The following PTGFRN variants were observed in gnomAD, a reference collection of about 807,000 sequenced individuals.
PTGFRN encodes prostaglandin F2 receptor negative regulator.
Under a neutral mutation model 83.2 loss-of-function variants are expected in PTGFRN, and 35 were observed. That is an observed-to-expected ratio of 0.42 (90% CI 0.32 to 0.56). The LOEUF (loss-of-function observed/expected upper bound fraction) is 0.56, where lower values mean the gene tolerates loss of function less well. Among genes scored for constraint, PTGFRN ranks in the 20% least tolerant of loss-of-function variants. PTGFRN has a pLI of 0.11. For missense variants in PTGFRN, 1,051 were observed against 1,179.5 expected (o/e 0.89, Z 1.60); for synonymous variants, 519 against 498.6 (o/e 1.04, Z -0.55).
chr1:116,974,507 C>T, intron 7 of PTGFRN, 184 bp downstream of exon 7: 1 of 474,070 alleles, frequency 2.1e-6, no homozygotes, highest in South Asian at 4.3e-5. Flanking sequence ...ATGCATCTAT[C>T]TGCTAGATGG....
At chr1:116,926,151 G>A (rs776908782) in intron 1 of PTGFRN, among the ~76,000 whole-genome samples, 17 of 152,362 alleles carry the variant, frequency 1.1e-4, no homozygotes. Flanking sequence ...TAACGGGAGA[G>A]AGGACAGAGC....
chr1:116,961,348 A>T lies in PTGFRN; in HGVS notation c.1319A>T (p.Asn440Ile). 1.9e-6 allele frequency: 3 copies of T among 1,588,978 alleles called. No homozygotes were observed. The highest frequency in any genetic ancestry group is 2.6e-6 in the Non-Finnish European group (3 of 1,165,102). ...GTGGACACGAAGAGTGGGGAGGCGA[A>T]TGTCCGATTCACGGTTTCGTGGTAC... ...RVVDTKSGEA[N>I]VRFTVSWYYR... The change falls in exon 5 of 9, where the codon AAT becomes ATT. Residue 440 changes from asparagine to isoleucine, a missense_variant. Around this residue, in one of 3 missense-constraint regions of PTGFRN, gnomAD observed 719 missense variants for 836.6 expected, o/e 0.86. Coordinates refer to ENST00000393203, the MANE Select transcript of PTGFRN (RefSeq NM_020440.4). The surrounding 1 kb of genome is among the most constrained non-coding windows in gnomAD (Gnocchi z 5.4).
chr1:116,955,129 T>C (rs1459890948), intron 4 of PTGFRN, among the ~76,000 whole-genome samples: 1 of 152,210 alleles, frequency 6.6e-6, no homozygotes, highest in African/African-American at 2.4e-5. Flanking sequence ...CAAAGGAGTC[T>C]AATGAGCCAT....
chr1:116,944,596 G>T, intron 2 of PTGFRN, 83 bp from the exon 3 acceptor site: 1 of 1,275,030 alleles, frequency 7.8e-7, no homozygotes, highest in Non-Finnish European at 1.0e-6. Context: ...GGAGGAAATT[G>T]TCTGTGGTTG....
chr1:116,985,097 C>A, intron 8 of PTGFRN, 112 bp downstream of exon 8: 1 of 1,150,416 alleles, frequency 8.7e-7, no homozygotes, highest in Non-Finnish European at 1.2e-6. Flanking sequence ...ATAGCACGTC[C>A]TGCTTTCTTT....
In PTGFRN at chr1:116,975,309, C is replaced by G. The variant is rs182818142; in HGVS notation, c.2167+986C>G. Among the ~76,000 whole-genome samples, 756 of 152,286 alleles carry G rather than the reference C, an allele frequency of 5.0e-3. 5 individuals are homozygous for G. Among genetic ancestry groups the G allele is most frequent in the African/African-American group, 0.017 (727 of 41,570 alleles). On this transcript the variant is annotated intron_variant, in intron 7 of 8. Transcript: ENST00000393203. ...CTCCAACTCTGGGGGCAGGGCATAGCCAAACAAAAGGCAGCAGAAACCTCT... is the reference window on the plus strand; with the variant it reads ...CTCCAACTCTGGGGGCAGGGCATAGGCAAACAAAAGGCAGCAGAAACCTCT...
At chr1:116,931,665 A>G (rs1649807193) in intron 1 of PTGFRN, among the ~76,000 whole-genome samples, 1 of 152,032 alleles carries the variant, frequency 6.6e-6, no homozygotes, top group African/African-American at 2.4e-5. Flanking sequence ...TGTCTAGATG[A>G]AAGTTGGCAT....
intron 1 of PTGFRN, among the ~76,000 whole-genome samples, chr1:116,917,969 GTCT>G (rs1181159895): frequency 5.9e-5 from 9 of 152,142 alleles, no homozygotes; most frequent in Non-Finnish European, 1.5e-5. Context: ...CCCTCTGGAT[GTCT>G]TCTTCTGTGT....
chr1:116,940,491 C>T (rs59085346), intron 1 of PTGFRN, among the ~76,000 whole-genome samples: 1 of 152,148 alleles, frequency 6.6e-6, no homozygotes, highest in Admixed American at 6.5e-5. Context: ...CTGTGACAAC[C>T]CTGTTGCCAA....
intron 6 of PTGFRN, among the ~76,000 whole-genome samples, chr1:116,971,315 G>T (rs1650987689): frequency 6.6e-6 from 1 of 151,614 alleles, no homozygotes; most frequent in Admixed American, 6.6e-5. Flanking sequence ...CATGCAGATG[G>T]TCTGTAACTT....
chr1:116,947,851 C>A (rs145142994), intron 3 of PTGFRN, among the ~76,000 whole-genome samples: 1 of 152,078 alleles, frequency 6.6e-6, no homozygotes, highest in Non-Finnish European at 1.5e-5. Flanking sequence ...AAGAGATGAT[C>A]GAGAGAAAGA....
chr1:116,964,039 C>T (rs958952507), intron 5 of PTGFRN, among the ~76,000 whole-genome samples: 1 of 151,772 alleles, frequency 6.6e-6, no homozygotes, highest in Non-Finnish European at 1.5e-5. Flanking sequence ...CTTAGTCGCC[C>T]GAAGTGCTAG....
At chr1:116,943,149 C>T (rs888829392) in intron 2 of PTGFRN, among the ~76,000 whole-genome samples, 3 of 152,190 alleles carry the variant, frequency 2.0e-5, no homozygotes, top group African/African-American at 7.2e-5. Context: ...CATTCATTCC[C>T]TCATGACTTG....
rs1649456505 is a variant in PTGFRN, at chr1:116,918,269, G to A, written c.49+8017G>A. Reference sequence around the variant, plus strand: ...TTCATTTGAATCCTGTCTTCCCTCAGTGTGAACCTTGGACAGGTTTTCTAA... The same window carrying A: ...TTCATTTGAATCCTGTCTTCCCTCAATGTGAACCTTGGACAGGTTTTCTAA... On this transcript the variant is annotated intron_variant, in intron 1 of 8. Coordinates refer to ENST00000393203, the MANE Select transcript of PTGFRN (RefSeq NM_020440.4). This position sits in a 1 kb window ranked among gnomAD's most constrained non-coding sequence, Gnocchi z 4.1. Among the ~76,000 whole-genome samples the A allele has an allele frequency of 6.6e-6, 1 of 152,202 alleles. No individual in the cohort carries two copies. The highest frequency in any genetic ancestry group is 1.5e-5 in the Non-Finnish European group (1 of 68,040).
intron 7 of PTGFRN, among the ~76,000 whole-genome samples, chr1:116,982,036 T>C (rs1025112850): frequency 6.6e-6 from 1 of 152,170 alleles, no homozygotes; most frequent in Non-Finnish European, 1.5e-5. Flanking sequence ...GCCACTCCTG[T>C]ACCTGAGATG....
chr1:116,912,216 C>T (rs1649290064), intron 1 of PTGFRN, among the ~76,000 whole-genome samples: 1 of 152,168 alleles, frequency 6.6e-6, no homozygotes, highest in Non-Finnish European at 1.5e-5. Flanking sequence ...GGCTGGATGC[C>T]TCCTATGAAT....
In PTGFRN at chr1:116,952,474, A is replaced by G. The variant is rs141334133; in HGVS notation, c.1213+2902A>G. ...GTCCTACTTTAAAGGGAAAGAAAAA[A>G]AAGATTTAAGTTGGCTTGCAAAATG... On this transcript the variant is annotated intron_variant, in intron 4 of 8. Coordinates refer to ENST00000393203, the MANE Select transcript of PTGFRN (RefSeq NM_020440.4). This position sits in a 1 kb window ranked among gnomAD's most constrained non-coding sequence, Gnocchi z 4.0. Among the ~76,000 whole-genome samples, 127 of 152,342 alleles carry G rather than the reference A, an allele frequency of 8.3e-4. 1 individual carries two copies. Among genetic ancestry groups the G allele is most frequent in the African/African-American group, 2.9e-3 (122 of 41,576 alleles).
chr1:116,987,599 GCC>G lies in PTGFRN; in HGVS notation c.*635_*636del, dbSNP rs1651542389. ...TTTTTTTTTTTTTTTTTGCTTCTCT[GCC>G]CCTTTTCCATTTCTTTTGTATTTGT... On this transcript the variant is annotated 3_prime_UTR_variant, in exon 9 of 9. Transcript: ENST00000393203. 2.7e-5 allele frequency: 3 copies of G among 111,958 alleles called. No homozygotes were observed. The highest frequency in any genetic ancestry group is 1.0e-4 in the African/African-American group (3 of 28,810). 6.9% of individuals were successfully genotyped at this position (111,958 alleles called of 1,614,324 possible). A position where few individuals can be genotyped will look rare whatever the true frequency, so the allele number is the denominator to read the frequency against.
At chr1:116,935,214 C>T (rs954990064) in intron 1 of PTGFRN, among the ~76,000 whole-genome samples, 1 of 152,200 alleles carries the variant, frequency 6.6e-6, no homozygotes, top group Non-Finnish European at 1.5e-5. Context: ...TCTTGCTCCT[C>T]AAACTCTGAC....
Sources: allele counts gnomAD v4.1 joint callset (sites outside exome capture counted in the v4.1 genomes callset), GRCh38; gene constraint gnomAD v4.1.1; regional missense constraint gnomAD v4.1.1; non-coding constraint Gnocchi (gnomAD v3.1); transcripts MANE v1.5; gene names NCBI Gene and HGNC (gene_info 2026-07-23, HGNC 2026-07-21).